LRRC4C: variants seen among roughly 807,000 people sequenced by gnomAD.
The protein encoded by LRRC4C is leucine-rich repeat-containing protein 4C.
Under a neutral mutation model 33.6 loss-of-function variants are expected in LRRC4C, and 5 were observed. The ratio of observed to expected loss-of-function variants is 0.15; its 90% CI spans 0.08 to 0.31. The LOEUF (loss-of-function observed/expected upper bound fraction) is 0.31. LRRC4C is among the 10% of genes least tolerant of loss of function. The pLI, the probability that LRRC4C is intolerant of heterozygous loss-of-function variation, is 1.00. For synonymous variants in LRRC4C, 329 were observed against 302.0 expected (o/e 1.09, Z -0.93); for missense variants, 560 against 796.7 (o/e 0.70, Z 3.58).
chr11:40,341,102 A>G (rs1396185916), intron 3 of LRRC4C, among the ~76,000 whole-genome samples: 1 of 152,206 alleles, frequency 6.6e-6, no homozygotes, highest in African/African-American at 2.4e-5. Flanking sequence ...AACAGTCAAA[A>G]ACCCTAAAAC....
intron 4 of LRRC4C, among the ~76,000 whole-genome samples, chr11:40,316,548 A>G (rs1270798243): frequency 6.6e-6 from 1 of 151,990 alleles, no homozygotes; most frequent in East Asian, 1.9e-4. Context: ...AATCTGCATG[A>G]CAATGCTTAC....
At chr11:41,059,224 T>TTTTTG (rs1858881779) in intron 1 of LRRC4C, among the ~76,000 whole-genome samples, 2 of 149,974 alleles carry the variant, frequency 1.3e-5, no homozygotes, top group African/African-American at 4.9e-5. Context: ...TTTTTTTTTT[T>TTTTTG]TAAGAAAAAG....
intron 1 of LRRC4C, among the ~76,000 whole-genome samples, chr11:41,414,458 A>G (rs934147642): frequency 1.3e-5 from 2 of 152,180 alleles, no homozygotes; most frequent in African/African-American, 4.8e-5. Flanking sequence ...AATAGCATCA[A>G]CAACTTGTGA....
intron 2 of LRRC4C, among the ~76,000 whole-genome samples, chr11:40,777,277 G>T (rs1391268062): frequency 2.6e-5 from 4 of 152,116 alleles, no homozygotes; most frequent in Non-Finnish European, 5.9e-5. Context: ...GATTTTTGTT[G>T]TTAGTTTTCT....
chr11:40,437,866 CCTGA>C (rs1228054305), intron 3 of LRRC4C, among the ~76,000 whole-genome samples: 2 of 152,156 alleles, frequency 1.3e-5, no homozygotes, highest in Non-Finnish European at 1.5e-5. Context: ...TGCCACCACG[CCTGA>C]CTAATTTTTG....
intron 3 of LRRC4C, among the ~76,000 whole-genome samples, chr11:40,473,833 G>C (rs1043296663): frequency 6.6e-6 from 1 of 152,102 alleles, no homozygotes; most frequent in Non-Finnish European, 1.5e-5. Context: ...GCCAAATCAT[G>C]AGTGAACTCC....
At chr11:40,916,270 C>A (rs184117125) in intron 2 of LRRC4C, among the ~76,000 whole-genome samples, 207 of 152,282 alleles carry the variant, frequency 1.4e-3, no homozygotes, top group Non-Finnish European at 2.5e-3. Flanking sequence ...TGGCACTATT[C>A]ACAATAGCAA....
At chr11:40,365,224 T>G (rs1318511683) in intron 3 of LRRC4C, among the ~76,000 whole-genome samples, 1 of 152,100 alleles carries the variant, frequency 6.6e-6, no homozygotes, top group East Asian at 1.9e-4. Context: ...ATGTATCATA[T>G]ATACGATTTA....
At position 40,330,612 on chromosome 11, in the gene LRRC4C, C is replaced by T. The variant is rs190844786; in HGVS notation, c.-269-10891G>A. 2.2e-3 allele frequency among the ~76,000 whole-genome samples: 339 copies of T among 152,168 alleles called. 2 individuals carry two copies. Among genetic ancestry groups the T allele is most frequent in the African/African-American group, 7.2e-3 (297 of 41,530 alleles). Reference sequence around the variant, plus strand: ...GGACTCAGGAAACTTACTATCATGGCGGAAGGCACCTCTTCACAGGGTGGC... The same window carrying T: ...GGACTCAGGAAACTTACTATCATGGTGGAAGGCACCTCTTCACAGGGTGGC... On this transcript the variant is annotated intron_variant, in intron 3 of 6. Coordinates refer to ENST00000528697, the MANE Select transcript of LRRC4C (RefSeq NM_001258419.2).
intron 3 of LRRC4C, among the ~76,000 whole-genome samples, chr11:40,336,715 GCCTGTAAT>G (rs1328701806): frequency 6.6e-6 from 1 of 152,100 alleles, no homozygotes; most frequent in East Asian, 1.9e-4. Context: ...GGTGGCTCAC[GCCTGTAAT>G]CCCAGCACTT....
chr11:40,278,650 T>C (rs1478879448), intron 4 of LRRC4C, among the ~76,000 whole-genome samples: 1 of 152,120 alleles, frequency 6.6e-6, no homozygotes, highest in East Asian at 1.9e-4. Context: ...AGAACAAAAT[T>C]CCTTAGTTAT....
At chr11:41,118,909 C>A (rs974745933) in intron 1 of LRRC4C, among the ~76,000 whole-genome samples, 2 of 148,040 alleles carry the variant, frequency 1.4e-5, no homozygotes, top group African/African-American at 4.9e-5. Context: ...CTTTTCTTAT[C>A]TTTTTTTTTC....
intron 2 of LRRC4C, among the ~76,000 whole-genome samples, chr11:40,655,765 A>G (rs1495320): frequency 0.63 from 95,778 of 151,946 alleles, 30,320 homozygotes; most frequent in East Asian, 0.71. Context: ...GTATTAGTCT[A>G]TTCTCACACT....
intron 1 of LRRC4C, among the ~76,000 whole-genome samples, chr11:41,049,566 G>C (rs922174125): frequency 1.3e-5 from 2 of 152,170 alleles, no homozygotes; most frequent in Non-Finnish European, 2.9e-5. Flanking sequence ...CACAGAGAAT[G>C]GTTGCTGAGA....
chr11:40,216,705 T>C (rs1486405484), intron 5 of LRRC4C, among the ~76,000 whole-genome samples: 1 of 152,076 alleles, frequency 6.6e-6, no homozygotes, highest in African/African-American at 2.4e-5. Context: ...TCCCCAGTTA[T>C]GAAACAAAAA....
chr11:40,246,360 T>C (rs1866339608), intron 4 of LRRC4C, among the ~76,000 whole-genome samples: 1 of 152,208 alleles, frequency 6.6e-6, no homozygotes, highest in African/African-American at 2.4e-5. Context: ...AGACATCAAA[T>C]ACTCAACGTT....
At chr11:40,984,399 G>T (rs371815310) in intron 1 of LRRC4C, among the ~76,000 whole-genome samples, 1 of 85,326 alleles carries the variant, frequency 1.2e-5, no homozygotes, top group African/African-American at 3.5e-5. Context: ...AAGAAAGAAA[G>T]AAAGAAAGAA....
intron 1 of LRRC4C, among the ~76,000 whole-genome samples, chr11:41,069,510 T>C (rs1938520770): frequency 6.6e-6 from 1 of 152,188 alleles, no homozygotes; most frequent in South Asian, 2.1e-4. Context: ...ACTGTTTATT[T>C]AGAAAACCAC....
intron 3 of LRRC4C, among the ~76,000 whole-genome samples, chr11:40,423,124 A>C (rs1026603287): frequency 1.3e-5 from 2 of 152,072 alleles, no homozygotes; most frequent in Admixed American, 1.3e-4. Context: ...GGGTAACTTC[A>C]AGTCTATTAT....
Sources: allele counts gnomAD v4.1 joint callset (sites outside exome capture counted in the v4.1 genomes callset), GRCh38; gene constraint gnomAD v4.1.1; transcripts MANE v1.5; gene names NCBI Gene and HGNC (gene_info 2026-07-23, HGNC 2026-07-21).